The following RBFOX1 variants were observed in gnomAD, a reference collection of about 807,000 sequenced individuals.
RBFOX1 encodes the protein RNA binding fox-1 homolog 1, also known as RNA binding protein fox-1 homolog 1.
In RBFOX1, 8 loss-of-function variants were observed where a neutral mutation model predicts 57.7. The ratio of observed to expected loss-of-function variants is 0.14; its 90% CI spans 0.08 to 0.25. RBFOX1 has a LOEUF of 0.25. Among genes scored for constraint, RBFOX1 ranks in the 10% least tolerant of loss-of-function variants. The pLI, the probability that RBFOX1 is intolerant of heterozygous loss-of-function variation, is 1.00. For synonymous variants in RBFOX1, 326 were observed against 222.4 expected (o/e 1.47, Z -4.15); for missense variants, 611 against 548.5 (o/e 1.11, Z -1.14).
At chr16:6,055,633 G>A (rs960033670) in intron 1 of RBFOX1, among the ~76,000 whole-genome samples, 2 of 150,188 alleles carry the variant, frequency 1.3e-5, no homozygotes, top group East Asian at 3.9e-4. Flanking sequence ...AATTGGACAG[G>A]CACAGTTCCT....
intron 1 of RBFOX1, among the ~76,000 whole-genome samples, chr16:5,243,650 A>C (rs1011410387): frequency 6.6e-6 from 1 of 152,172 alleles, no homozygotes; most frequent in Non-Finnish European, 1.5e-5. Context: ...GTACATGAGC[A>C]AAACCACCCC....
intron 4 of RBFOX1, among the ~76,000 whole-genome samples, chr16:5,885,833 C>G (rs1033310318): frequency 6.6e-6 from 1 of 152,144 alleles, no homozygotes; most frequent in African/African-American, 2.4e-5. Context: ...CTGCTCTGAA[C>G]TGTTCCACCT....
At chr16:5,871,943 A>G (rs1285622191) in intron 4 of RBFOX1, among the ~76,000 whole-genome samples, 1 of 152,208 alleles carries the variant, frequency 6.6e-6, no homozygotes, top group African/African-American at 2.4e-5. Flanking sequence ...CTACGCAGGT[A>G]GCAAACTCAG....
At chr16:7,218,021 T>G (rs533655931) in intron 4 of RBFOX1, among the ~76,000 whole-genome samples, 1 of 150,966 alleles carries the variant, frequency 6.6e-6, no homozygotes, top group African/African-American at 2.4e-5. Flanking sequence ...TGTACGTGTG[T>G]GGGGTGTGTG....
At chr16:7,624,551 C>A (rs1253182676) in intron 10 of RBFOX1, among the ~76,000 whole-genome samples, 6 of 152,186 alleles carry the variant, frequency 3.9e-5, no homozygotes, top group Admixed American at 2.6e-4. Flanking sequence ...CAGCACAGTG[C>A]CTGGCACATA....
chr16:5,800,375 G>C (rs1597306738), intron 3 of RBFOX1, among the ~76,000 whole-genome samples: 2 of 152,252 alleles, frequency 1.3e-5, no homozygotes, highest in South Asian at 2.1e-4. Flanking sequence ...AGCAAACCAG[G>C]GTGGGACATC....
chr16:6,645,157 C>T (rs1364171223), intron 2 of RBFOX1, among the ~76,000 whole-genome samples: 1 of 152,162 alleles, frequency 6.6e-6, no homozygotes. Flanking sequence ...ACATGGCTTT[C>T]TCTTCTGTCT....
At chr16:5,259,030 G>A (rs2062661724) in intron 1 of RBFOX1, among the ~76,000 whole-genome samples, 1 of 152,154 alleles carries the variant, frequency 6.6e-6, no homozygotes, top group Non-Finnish European at 1.5e-5. Flanking sequence ...GTGACCTTCA[G>A]CGCAGGTTCA....
At chr16:7,318,832 C>T (rs1351063876) in intron 4 of RBFOX1, among the ~76,000 whole-genome samples, 10 of 151,994 alleles carry the variant, frequency 6.6e-5, no homozygotes, top group South Asian at 4.1e-4. Flanking sequence ...TGTGGTGAGC[C>T]GAAGTTCTGG....
intron 4 of RBFOX1, among the ~76,000 whole-genome samples, chr16:7,141,200 G>A (rs1332587694): frequency 2.6e-5 from 4 of 152,110 alleles, no homozygotes; most frequent in African/African-American, 2.4e-5. Context: ...GGAGGAGGCC[G>A]GGAAATAATG....
chr16:5,905,064 C>CTTTTTTTT (rs57349384), intron 4 of RBFOX1, among the ~76,000 whole-genome samples: 7 of 78,470 alleles, frequency 8.9e-5, no homozygotes, highest in African/African-American at 3.7e-4. Context: ...ATGACTGGTG[C>CTTTTTTTT]TTTTTTTTTT....
chr16:6,164,984 A>G (rs939903320), intron 1 of RBFOX1, among the ~76,000 whole-genome samples: 4 of 152,154 alleles, frequency 2.6e-5, no homozygotes, highest in Admixed American at 1.3e-4. Flanking sequence ...ATGGCATATT[A>G]TTGTTATTTA....
chr16:7,612,924 T>A (rs1269143751), intron 10 of RBFOX1, among the ~76,000 whole-genome samples: 1 of 152,172 alleles, frequency 6.6e-6, no homozygotes, highest in Non-Finnish European at 1.5e-5. Context: ...ATTCATAAGA[T>A]GCACCACTTG....
intron 3 of RBFOX1, among the ~76,000 whole-genome samples, chr16:6,792,567 C>T (rs1007828806): frequency 7.2e-5 from 11 of 152,180 alleles, no homozygotes; most frequent in South Asian, 2.1e-4. Flanking sequence ...GTACACTCAA[C>T]GCCATGTAGT....
At chr16:6,861,488 C>T (rs955721558) in intron 3 of RBFOX1, among the ~76,000 whole-genome samples, 5 of 52,562 alleles carry the variant, frequency 9.5e-5, no homozygotes, top group Non-Finnish European at 1.7e-4. Context: ...CCAACCCCCT[C>T]CCCCCCCGAC....
rs145392979 is a variant in RBFOX1, at chr16:7,311,735, C to T, written c.28-206412C>T. ...CCAGCTGTCCATCTCAAGTGTCTCA[C>T]AAAATTCAGATGAAAAACCCAGATC... On this transcript the variant is annotated intron_variant, in intron 4 of 15. Transcript: ENST00000550418. Among the ~76,000 whole-genome samples the T allele has an allele frequency of 2.4e-3, 365 of 152,238 alleles. 1 individual carries two copies. Among genetic ancestry groups the T allele is most frequent in the African/African-American group, 8.4e-3 (347 of 41,550 alleles).
intron 15 of RBFOX1, chr16:7,709,374 C>A: frequency 8.5e-7 from 1 of 1,174,940 alleles, no homozygotes; most frequent in African/African-American, 1.6e-5. Context: ...TAGCAGAGCA[C>A]TTACCTTAAT....
At chr16:7,258,423 G>A (rs1426726085) in intron 4 of RBFOX1, among the ~76,000 whole-genome samples, 1 of 152,094 alleles carries the variant, frequency 6.6e-6, no homozygotes, top group East Asian at 1.9e-4. Context: ...CTGTTTCACT[G>A]TGTGCATTAT....
chr16:6,015,733 C>G (rs1199454401), upstream of RBFOX1, among the ~76,000 whole-genome samples: 16 of 152,328 alleles, frequency 1.1e-4, no homozygotes, highest in Admixed American at 1.0e-3. Flanking sequence ...TTTATCTTCT[C>G]TATTTAGACA....
Sources: allele counts gnomAD v4.1 joint callset (sites outside exome capture counted in the v4.1 genomes callset), GRCh38; gene constraint gnomAD v4.1.1; transcripts MANE v1.5; gene names NCBI Gene and HGNC (gene_info 2026-07-23, HGNC 2026-07-21).